The following ZNF214 variants were observed in gnomAD, a reference collection of about 807,000 sequenced individuals.
The protein encoded by ZNF214 is BWSCR2-associated zinc finger protein 1.
Under a neutral mutation model 53.9 loss-of-function variants are expected in ZNF214, and 43 were observed. The observed-to-expected ratio is 0.80, with a 90% CI of 0.63 to 1.03. ZNF214 has a LOEUF of 1.03. Among genes scored for constraint, ZNF214 ranks in the 50% least tolerant of loss-of-function variants. The pLI is 0.00. For synonymous variants in ZNF214, 217 were observed against 229.5 expected, an observed-to-expected ratio of 0.95 and a Z score of 0.49; for missense variants, 724 against 719.1, an observed-to-expected ratio of 1.01 and a Z score of -0.08.
intron 1 of ZNF214, among the ~76,000 whole-genome samples, chr11:7,017,722 G>C (rs1320651742): frequency 2.7e-5 from 4 of 145,602 alleles, no homozygotes; most frequent in Non-Finnish European, 6.0e-5. Context: ...CTGGGCGACA[G>C]AGCGAGACTC....
chr11:7,001,536 G>A lies in ZNF214; in HGVS notation c.147C>T (p.Tyr49=), dbSNP rs780299962. 1.9e-5 allele frequency: 30 copies of A among 1,602,086 alleles called. No individual in the cohort carries two copies. The South Asian group carries it at 3.3e-4, about 18-fold the overall frequency. ...ATCTGAATTTTTCTTCTTGGGATTT[G>A]TAGCTCTCATTCCAGTTTTCTAGAA... ...VMSVENWNES[Y]KSQEEKFRYL... is the part of the protein sequence containing the mutation. Residue 49 remains tyrosine, a synonymous_variant, in exon 3 of 3, where the codon TAC becomes TAT. Coordinates refer to ENST00000278314, the MANE Select transcript of ZNF214 (RefSeq NM_013249.4).
chr11:6,999,579 T>C lies in ZNF214; in HGVS notation c.*283A>G. The C allele has an allele frequency of 4.6e-6, 1 of 218,928 alleles. No individual in the cohort carries two copies. The highest frequency in any genetic ancestry group is 5.2e-5 in the Admixed American group (1 of 19,234). The allele number at this position is 218,928 out of a possible 1,614,324, so 13.6% of individuals were successfully genotyped here. A position where few individuals can be genotyped will look rare whatever the true frequency, so the allele number is the denominator to read the frequency against. ...CATTAAAATGCACAGAAAAAAAGAC[T>C]AGAATGAAATAGAATGAAGAGTTTT... On this transcript the variant is annotated 3_prime_UTR_variant, in exon 3 of 3. Transcript: ENST00000278314.
chr11:7,016,759 T>C (rs1244797495), intron 1 of ZNF214, among the ~76,000 whole-genome samples: 1 of 152,180 alleles, frequency 6.6e-6, no homozygotes, highest in Admixed American at 6.5e-5. Context: ...GTAAAAAGAA[T>C]GTTTAAATTC....
chr11:7,010,637 T>TAAA (rs34849852), intron 1 of ZNF214, among the ~76,000 whole-genome samples: 1 of 128,350 alleles, frequency 7.8e-6, no homozygotes. Context: ...CATCCCCCAT[T>TAAA]AAAAAAAAAA....
rs190520590 is a variant in ZNF214, at chr11:6,997,717, C to T, written c.*2145G>A. The stretch of plus-strand genomic sequence containing the variant: ...AGTTGCCGGATGTAGCAACTAAAAA[C>T]AGAAATGACCAGTTAAATTTGAATT... On this transcript the variant is annotated 3_prime_UTR_variant, in exon 3 of 3. Coordinates refer to ENST00000278314, the MANE Select transcript of ZNF214 (RefSeq NM_013249.4). Among the ~76,000 whole-genome samples the T allele has an allele frequency of 3.3e-5, 5 of 151,678 alleles. No individual in the cohort carries two copies. Among genetic ancestry groups the T allele is most frequent in the African/African-American group, 1.2e-4 (5 of 41,428 alleles).
rs183568589 is a variant in ZNF214, at chr11:7,005,725, A to G, written c.-20-2870T>C. On this transcript the variant is annotated intron_variant, in intron 1 of 2. Coordinates refer to ENST00000278314, the MANE Select transcript of ZNF214 (RefSeq NM_013249.4). ...CTAAGATTCTCTTAAACCTTTCACT[A>G]AAAGTTTTAGCAATAGATGATCATT... is the stretch of plus-strand genomic sequence containing the variant. Among the ~76,000 whole-genome samples the G allele has an allele frequency of 1.2e-3, 188 of 152,234 alleles. 1 individual carries two copies. Among genetic ancestry groups the G allele is most frequent in the African/African-American group, 3.6e-3 (148 of 41,568 alleles).
intron 2 of ZNF214, among the ~76,000 whole-genome samples, chr11:7,002,031 C>T (rs1347367382): frequency 6.6e-6 from 1 of 151,996 alleles, no homozygotes; most frequent in African/African-American, 2.4e-5. Context: ...TCCTTCCACA[C>T]TCTCTCTATG....
chr11:7,011,840 C>A (rs1851613128), intron 1 of ZNF214, among the ~76,000 whole-genome samples: 1 of 152,004 alleles, frequency 6.6e-6, no homozygotes, highest in Non-Finnish European at 1.5e-5. Flanking sequence ...CAGCAATCAA[C>A]TACTAGAAAG....
At chr11:7,008,918 G>A (rs1252175866) in intron 1 of ZNF214, among the ~76,000 whole-genome samples, 2 of 152,076 alleles carry the variant, frequency 1.3e-5, no homozygotes, top group African/African-American at 4.8e-5. Context: ...ACAAAGCACT[G>A]CTCAAAGAAA....
Position 7,020,065 on chromosome 11 carries a change from C to CTTTATTAAGTCTT in ZNF214, c.-21+7_-21+8insAAGACTTAATAAA, listed in dbSNP as rs1804474140. On this transcript the variant is annotated splice_region_variant and intron_variant, in intron 1 of 2. Transcript: ENST00000278314. Reference sequence around the variant, plus strand: ...GGGCCCAAGCTGCTTCTGCCCTCCTCTACTTGCCTTTATTAAGTCTTAACG... The same window carrying CTTTATTAAGTCTT: ...GGGCCCAAGCTGCTTCTGCCCTCCTCTTTATTAAGTCTTTACTTGCCTTTATTAAGTCTTAACG... The CTTTATTAAGTCTT allele has an allele frequency of 6.6e-6, 1 of 152,342 alleles. No homozygotes were observed. The highest frequency in any genetic ancestry group is 2.1e-4 in the South Asian group (1 of 4,822). The allele number at this position is 152,342 out of a possible 1,614,324, so 9.4% of individuals were successfully genotyped here.
chr11:6,999,583 A>G lies in ZNF214; in HGVS notation c.*279T>C. On this transcript the variant is annotated 3_prime_UTR_variant, in exon 3 of 3. Coordinates refer to ENST00000278314, the MANE Select transcript of ZNF214 (RefSeq NM_013249.4). Reference sequence around the variant, plus strand: ...AAAATGCACAGAAAAAAAGACTAGAATGAAATAGAATGAAGAGTTTTCTCC... The same window carrying G: ...AAAATGCACAGAAAAAAAGACTAGAGTGAAATAGAATGAAGAGTTTTCTCC... 1 of 227,134 alleles carries G rather than the reference A, an allele frequency of 4.4e-6. No individual in the cohort carries two copies. Among genetic ancestry groups the G allele is most frequent in the Non-Finnish European group, 8.5e-6 (1 of 117,364 alleles). The allele number at this position is 227,134 out of a possible 1,614,324, so 14.1% of individuals were successfully genotyped here. A position where few individuals can be genotyped will look rare whatever the true frequency, so the allele number is the denominator to read the frequency against.
chr11:7,019,414 A>G (rs576623632), intron 1 of ZNF214, among the ~76,000 whole-genome samples: 2 of 152,354 alleles, frequency 1.3e-5, no homozygotes, highest in African/African-American at 4.8e-5. Context: ...TAACAATAAT[A>G]GGAAAGCACC....
intron 2 of ZNF214, 145 bp from the exon 3 acceptor site, chr11:7,001,700 T>C: frequency 1.1e-6 from 1 of 894,122 alleles, no homozygotes; most frequent in South Asian, 2.2e-5. Context: ...CCTGCTCCAT[T>C]TGGGTCTGAA....
Position 7,002,856 on chromosome 11 carries a change from C to CT in ZNF214, c.-20-2dup. Reference sequence around the variant, plus strand: ...GCCATCTGGTCAAAGATCAGGCTTTCTAGGAAAAAGAAATCTAAGTGAGAA... The same window carrying CT: ...GCCATCTGGTCAAAGATCAGGCTTTCTTAGGAAAAAGAAATCTAAGTGAGAA... On this transcript the variant is annotated splice_acceptor_variant, in intron 1 of 2. Coordinates refer to ENST00000278314, the MANE Select transcript of ZNF214 (RefSeq NM_013249.4). LOFTEE classifies it low-confidence loss of function (5UTR_SPLICE). 6.4e-7 allele frequency: 1 copy of CT among 1,570,300 alleles called. No individual in the cohort carries two copies. The highest frequency in any genetic ancestry group is 8.6e-7 in the Non-Finnish European group (1 of 1,163,578).
intron 1 of ZNF214, among the ~76,000 whole-genome samples, chr11:7,015,352 C>T (rs188554115): frequency 5.9e-5 from 9 of 152,106 alleles, no homozygotes; most frequent in African/African-American, 9.6e-5. Flanking sequence ...CCAAGGTGGG[C>T]GGATCACTTC....
At chr11:7,014,759 G>C (rs1440789654) in intron 1 of ZNF214, among the ~76,000 whole-genome samples, 1 of 147,574 alleles carries the variant, frequency 6.8e-6, no homozygotes, top group Non-Finnish European at 1.5e-5. Context: ...TTGAGGCCAG[G>C]AGTTCGAGAC....
chr11:7,018,915 G>C (rs1183063431), intron 1 of ZNF214, among the ~76,000 whole-genome samples: 1 of 152,168 alleles, frequency 6.6e-6, no homozygotes, highest in African/African-American at 2.4e-5. Context: ...CACTGGGTTG[G>C]GGCAGGGTCA....
intron 1 of ZNF214, among the ~76,000 whole-genome samples, chr11:7,012,600 A>T (rs561437110): frequency 6.6e-6 from 1 of 152,300 alleles, no homozygotes; most frequent in Admixed American, 6.5e-5. Flanking sequence ...AAAAATAAAA[A>T]TAAGATTAGG....
chr11:7,019,977 T>G (rs1189704988), intron 1 of ZNF214, 96 bp downstream of exon 1: 2 of 152,128 alleles, frequency 1.3e-5, no homozygotes, highest in Non-Finnish European at 2.9e-5. Context: ...CGGCCTCCGT[T>G]GCTTATCCAG....
Sources: gnomAD v4.1 joint callset for allele counts (sites outside exome capture counted in the v4.1 genomes callset) on GRCh38, gnomAD v4.1.1 for gene constraint, MANE v1.5 for transcripts, NCBI Gene and HGNC (gene_info 2026-07-23, HGNC 2026-07-21) for gene names.